CNTN6: variants seen among roughly 807,000 people sequenced by gnomAD.
CNTN6 encodes contactin-6.
A neutral mutation model predicts 122.8 loss-of-function variants in CNTN6; 137 were observed. The observed-to-expected ratio is 1.12, with a 90% CI of 0.97 to 1.29. The LOEUF (loss-of-function observed/expected upper bound fraction) is 1.29. Among genes scored for constraint, CNTN6 ranks in the 50% most tolerant of loss-of-function variants. CNTN6 has a pLI of 0.00. For missense variants in CNTN6, 1,634 were observed against 1,223.4 expected (o/e 1.34, Z -5.01); for synonymous variants, 570 against 426.0 (o/e 1.34, Z -4.16).
chr3:1,308,030 G>C (rs936549503), intron 7 of CNTN6, among the ~76,000 whole-genome samples: 1 of 152,058 alleles, frequency 6.6e-6, no homozygotes, highest in Non-Finnish European at 1.5e-5. Flanking sequence ...ATAGAGTGTT[G>C]TGCTTCACCT....
chr3:1,278,579 T>C, intron 5 of CNTN6, 71 bp downstream of exon 5: 1 of 1,015,216 alleles, frequency 9.9e-7, no homozygotes, highest in Non-Finnish European at 1.5e-6. Flanking sequence ...CATCAGGTCT[T>C]AGGCTCAGTG....
At position 1,402,343 on chromosome 3, in the gene CNTN6, G is replaced by T; in HGVS notation, c.2843G>T (p.Ser948Ile). 1 of 1,610,802 alleles carries T rather than the reference G, an allele frequency of 6.2e-7. No individual in the cohort carries two copies. The change falls in exon 22 of 23, where the codon AGT becomes ATT. Residue 948 changes from serine to isoleucine, a missense_variant. Transcript: ENST00000446702. ...ATTCTGTACCGGCAAAACAGACAGA[G>T]TAAAACTCATATTTTGGAAACAAAC... ...YKILYRQNRQ[S>I]KTHILETNNT...
intron 7 of CNTN6, among the ~76,000 whole-genome samples, chr3:1,299,978 A>G (rs557625393): frequency 7.7e-4 from 117 of 152,034 alleles, no homozygotes; most frequent in African/African-American, 2.5e-3. Flanking sequence ...TCCAAATTTC[A>G]TTCTACTTTT....
rs557063752 is a variant in CNTN6 at position 1,230,367 on chromosome 3, A to T, written c.358+2374A>T. Among the ~76,000 whole-genome samples, 3 of 152,324 alleles carry T rather than the reference A, an allele frequency of 2.0e-5. No individual in the cohort carries two copies. In the East Asian group the frequency reaches 5.8e-4, roughly 29 times the overall value. On this transcript the variant is annotated intron_variant, in intron 4 of 22. Coordinates refer to ENST00000446702, the MANE Select transcript of CNTN6 (RefSeq NM_001289080.2). ...AGGACAGTGACATGGAGTCACTGAG[A>T]AAATGAAGGTCAAGTCCCTGATCCA...
chr3:1,113,760 C>G (rs1017717748), intron 1 of CNTN6, among the ~76,000 whole-genome samples: 5 of 152,068 alleles, frequency 3.3e-5, no homozygotes, highest in African/African-American at 9.7e-5. Context: ...TAACTGAAGA[C>G]CTCTATTTAA....
chr3:1,276,294 T>C (rs893772655), intron 4 of CNTN6, among the ~76,000 whole-genome samples: 5 of 152,182 alleles, frequency 3.3e-5, no homozygotes, highest in African/African-American at 9.7e-5. Context: ...GGTGTATCAA[T>C]ATTTAGTGAC....
At chr3:1,107,862 G>A (rs76665725) in intron 1 of CNTN6, among the ~76,000 whole-genome samples, 2,678 of 152,186 alleles carry the variant, frequency 0.018, 172 homozygotes, top group Admixed American at 0.11. Context: ...ACTGAAAGGA[G>A]TTAGGTCTAA....
At chr3:1,348,157 CAAA>C (rs532282828) in intron 11 of CNTN6, among the ~76,000 whole-genome samples, 7 of 64,288 alleles carry the variant, frequency 1.1e-4, no homozygotes, top group East Asian at 5.1e-4. Flanking sequence ...ATGCTATAGA[CAAA>C]AAAAAAAAAA....
intron 7 of CNTN6, among the ~76,000 whole-genome samples, chr3:1,320,074 A>G (rs1700640406): frequency 6.6e-6 from 1 of 151,630 alleles, no homozygotes; most frequent in Non-Finnish European, 1.5e-5. Flanking sequence ...AACATCAGTT[A>G]TCTGAGGTTA....
At chr3:1,368,599 A>G (rs767266221) in intron 12 of CNTN6, among the ~76,000 whole-genome samples, 6 of 152,158 alleles carry the variant, frequency 3.9e-5, no homozygotes, top group Admixed American at 3.3e-4. Context: ...AGTTATATCA[A>G]TTGAAAATGA....
Position 1,372,355 on chromosome 3 carries a change from A to G in CNTN6, c.1549A>G (p.Ile517Val). Residue 517 changes from isoleucine (I) to valine (V), a missense_variant, in exon 13 of 23, where the codon ATA becomes GTA. Physicochemically the swap from Ile to Val is conservative, Grantham distance 29. Coordinates refer to ENST00000446702, the MANE Select transcript of CNTN6 (RefSeq NM_001289080.2). The stretch of plus-strand genomic sequence containing the variant: ...AATGGATGTTACAGTTGGCGAGAGT[A>G]TAGTGCTACCATGCCAGGTGTCCCA... ...SKMDVTVGES[I>V]VLPCQVSHDP... 1 of 1,613,524 alleles carries G rather than the reference A, an allele frequency of 6.2e-7. No individual in the cohort carries two copies. Among genetic ancestry groups the G allele is most frequent in the Non-Finnish European group, 8.5e-7 (1 of 1,179,648 alleles).
At chr3:1,350,337 A>AT (rs1394789324) in intron 11 of CNTN6, among the ~76,000 whole-genome samples, 1 of 151,860 alleles carries the variant, frequency 6.6e-6, no homozygotes, top group Non-Finnish European at 1.5e-5. Flanking sequence ...ATGCAGAATT[A>AT]TTTTACTAAA....
chr3:1,249,332 A>G (rs2094626559), intron 4 of CNTN6, among the ~76,000 whole-genome samples: 3 of 152,244 alleles, frequency 2.0e-5, no homozygotes, highest in South Asian at 2.1e-4. Flanking sequence ...TGTGTCAAAC[A>G]TAAGTGCAAG....
chr3:1,147,020 G>T (rs2092736952), intron 1 of CNTN6, among the ~76,000 whole-genome samples: 1 of 151,882 alleles, frequency 6.6e-6, no homozygotes, highest in African/African-American at 2.4e-5. Context: ...TTTGGTTTAA[G>T]ATGAAGTAAC....
At chr3:1,240,315 A>C (rs997446842) in intron 4 of CNTN6, among the ~76,000 whole-genome samples, 1 of 152,240 alleles carries the variant, frequency 6.6e-6, no homozygotes, top group African/African-American at 2.4e-5. Flanking sequence ...GAACTCAAAC[A>C]AATCAGCAAG....
chr3:1,187,468 G>A (rs2093645136), intron 2 of CNTN6, among the ~76,000 whole-genome samples: 1 of 152,064 alleles, frequency 6.6e-6, no homozygotes, highest in Admixed American at 6.6e-5. Context: ...ATGGTGTCAG[G>A]CTACAAAGGC....
At chr3:1,167,356 T>C (rs1053255951) in intron 2 of CNTN6, among the ~76,000 whole-genome samples, 8 of 152,176 alleles carry the variant, frequency 5.3e-5, no homozygotes, top group African/African-American at 1.9e-4. Flanking sequence ...ACCTAGGTGT[T>C]ACCTTCCTTT....
At chr3:1,165,135 T>C (rs1056755660) in intron 2 of CNTN6, among the ~76,000 whole-genome samples, 1 of 152,182 alleles carries the variant, frequency 6.6e-6, no homozygotes, top group Non-Finnish European at 1.5e-5. Context: ...TACATGCTTG[T>C]CCATGGTTAT....
chr3:1,303,459 A>G (rs1697783502), intron 7 of CNTN6, among the ~76,000 whole-genome samples: 1 of 152,160 alleles, frequency 6.6e-6, no homozygotes, highest in Non-Finnish European at 1.5e-5. Context: ...TAGCTGTGGT[A>G]TCAGAGGTTA....
Sources: allele counts gnomAD v4.1 joint callset (sites outside exome capture counted in the v4.1 genomes callset), GRCh38; gene constraint gnomAD v4.1.1; transcripts MANE v1.5; gene names NCBI Gene and HGNC (gene_info 2026-07-23, HGNC 2026-07-21).